The following LMNB1 variants were observed in gnomAD, a reference collection of about 807,000 sequenced individuals.
LMNB1 encodes lamin-B1.
A neutral mutation model predicts 67.1 loss-of-function variants in LMNB1; 23 were observed. That is an observed-to-expected ratio of 0.34 (90% CI 0.25 to 0.49). The LOEUF (loss-of-function observed/expected upper bound fraction) is 0.49. Ranked by LOEUF, LMNB1 falls within the 20% of genes least tolerant of loss-of-function variation. The pLI is 0.99. For missense variants in LMNB1, 634 were observed against 746.5 expected (o/e 0.85, Z 1.76); for synonymous variants, 281 against 282.9 (o/e 0.99, Z 0.07).
chr5:126,811,703 G>C, intron 4 of LMNB1, 70 bp from the exon 5 acceptor site: 1 of 1,460,094 alleles, frequency 6.8e-7, no homozygotes, highest in East Asian at 2.3e-5. Context: ...GAAATGCCTT[G>C]AGGTGAATCA....
chr5:126,780,064 C>T (rs916612994), intron 1 of LMNB1, among the ~76,000 whole-genome samples: 2 of 151,774 alleles, frequency 1.3e-5, no homozygotes, highest in Non-Finnish European at 2.9e-5. Flanking sequence ...TGGTGGCGGG[C>T]GTCTGTAATC....
intron 1 of LMNB1, among the ~76,000 whole-genome samples, chr5:126,786,608 A>G (rs769984756): frequency 1.4e-4 from 22 of 152,176 alleles, no homozygotes; most frequent in African/African-American, 4.6e-4. Context: ...ACAGTGTTCT[A>G]CAGGTATTAC....
chr5:126,817,297 C>T (rs189332193), intron 5 of LMNB1, among the ~76,000 whole-genome samples: 1 of 152,232 alleles, frequency 6.6e-6, no homozygotes, highest in Non-Finnish European at 1.5e-5. Flanking sequence ...TGCATTTTCC[C>T]TGCCCCAGTC....
chr5:126,802,484 C>T (rs1751308618), intron 1 of LMNB1, among the ~76,000 whole-genome samples: 1 of 152,204 alleles, frequency 6.6e-6, no homozygotes, highest in African/African-American at 2.4e-5. Context: ...CACTCTGTCA[C>T]CCAGGCTGGA....
chr5:126,804,664 G>A, intron 1 of LMNB1, 112 bp from the exon 2 acceptor site: 1 of 935,234 alleles, frequency 1.1e-6, no homozygotes, highest in South Asian at 1.9e-5. Context: ...TTTGATAGGT[G>A]ATGGGAGCCT....
intron 6 of LMNB1, among the ~76,000 whole-genome samples, chr5:126,820,408 A>G (rs1751834631): frequency 6.6e-6 from 1 of 152,222 alleles, no homozygotes; most frequent in African/African-American, 2.4e-5. Flanking sequence ...TTTAAAAAAG[A>G]AAATTGACGA....
chr5:126,824,407 C>T (rs1402633523), intron 8 of LMNB1, among the ~76,000 whole-genome samples: 1 of 151,510 alleles, frequency 6.6e-6, no homozygotes, highest in Admixed American at 6.6e-5. Flanking sequence ...TTATGTTTAG[C>T]TAAGTCTTCA....
At chr5:126,828,160 G>T (rs1038607992) in intron 9 of LMNB1, among the ~76,000 whole-genome samples, 3 of 152,182 alleles carry the variant, frequency 2.0e-5, no homozygotes, top group African/African-American at 7.2e-5. Flanking sequence ...CCATCTTCCT[G>T]TCTATCCCTC....
chr5:126,791,159 G>A (rs559179277), intron 1 of LMNB1, among the ~76,000 whole-genome samples: 1 of 152,262 alleles, frequency 6.6e-6, no homozygotes, highest in East Asian at 1.9e-4. Context: ...TTTTGATCCA[G>A]TTCTAAAATT....
At chr5:126,791,308 A>C (rs1384680125) in intron 1 of LMNB1, among the ~76,000 whole-genome samples, 2 of 152,010 alleles carry the variant, frequency 1.3e-5, no homozygotes, top group African/African-American at 2.4e-5. Context: ...TTACCATATG[A>C]GACTCCTAGT....
intron 5 of LMNB1, among the ~76,000 whole-genome samples, chr5:126,813,030 A>G (rs191611043): frequency 9.9e-5 from 15 of 152,148 alleles, no homozygotes; most frequent in Admixed American, 3.9e-4. Context: ...TGCCCAGCCT[A>G]TTTTACTCTT....
chr5:126,806,330 C>A (rs1751429114), intron 3 of LMNB1, among the ~76,000 whole-genome samples: 1 of 152,214 alleles, frequency 6.6e-6, no homozygotes, highest in African/African-American at 2.4e-5. Context: ...GTTATCTATT[C>A]CTGCCTAACA....
chr5:126,787,695 C>T (rs962163639), intron 1 of LMNB1, among the ~76,000 whole-genome samples: 4 of 150,710 alleles, frequency 2.7e-5, no homozygotes, highest in East Asian at 3.9e-4. Context: ...GGATTACAGC[C>T]GCCTGCCACC....
intron 1 of LMNB1, among the ~76,000 whole-genome samples, chr5:126,781,039 A>G (rs1485108785): frequency 6.6e-6 from 1 of 152,158 alleles, no homozygotes; most frequent in East Asian, 1.9e-4. Flanking sequence ...ACACCTGTAA[A>G]GCACTTTGAG....
At chr5:126,784,308 C>A (rs1580523572) in intron 1 of LMNB1, among the ~76,000 whole-genome samples, 1 of 151,536 alleles carries the variant, frequency 6.6e-6, no homozygotes, top group Middle Eastern at 3.4e-3. Context: ...GGATTACAGG[C>A]GTGAGCCACC....
intron 3 of LMNB1, 52 bp downstream of exon 3, chr5:126,805,748 C>T: frequency 1.6e-6 from 2 of 1,262,508 alleles, no homozygotes; most frequent in Non-Finnish European, 1.1e-6. Context: ...TCTAGAATGA[C>T]TTTGTCATAG....
chr5:126,823,396 AAATG>A, intron 8 of LMNB1, among the ~76,000 whole-genome samples: 1 of 152,226 alleles, frequency 6.6e-6, no homozygotes, highest in Non-Finnish European at 1.5e-5. Context: ...CTTGATTTCT[AAATG>A]GCTCTCTATT....
chr5:126,825,600 T>C (rs961305887), intron 8 of LMNB1, among the ~76,000 whole-genome samples: 12 of 152,206 alleles, frequency 7.9e-5, no homozygotes, highest in Admixed American at 2.6e-4. Flanking sequence ...TACCATTCAC[T>C]GAGTTAGCCA....
rs1423010797 is a variant in LMNB1 at position 126,804,936 on chromosome 5, A to G, written c.516+4A>G. The G allele has an allele frequency of 7.4e-6, 12 of 1,613,308 alleles. No individual in the cohort carries two copies. The highest frequency in any genetic ancestry group is 2.2e-5 in the South Asian group (2 of 91,002). ...TCTGAAGGATCAGATTGCCCAGGTA[A>G]GGTCAAGCCTACTCTTGAGCCGTAT... On this transcript the variant is annotated splice_donor_region_variant and intron_variant, in intron 2 of 10. Coordinates refer to ENST00000261366, the MANE Select transcript of LMNB1 (RefSeq NM_005573.4).
Sources: allele counts gnomAD v4.1 joint callset (sites outside exome capture counted in the v4.1 genomes callset), GRCh38; gene constraint gnomAD v4.1.1; transcripts MANE v1.5; gene names NCBI Gene and HGNC (gene_info 2026-07-23, HGNC 2026-07-21).